The following ELMO1 variants were observed in gnomAD, a reference collection of about 807,000 sequenced individuals.
ELMO1 encodes the protein engulfment and cell motility protein 1.
Under a neutral mutation model 98.9 loss-of-function variants are expected in ELMO1, and 26 were observed. The observed-to-expected ratio is 0.26, with a 90% CI of 0.19 to 0.36. ELMO1 has a LOEUF of 0.36. Ranked by LOEUF, ELMO1 falls within the 10% of genes least tolerant of loss-of-function variation. The pLI, the probability that ELMO1 is intolerant of heterozygous loss-of-function variation, is 1.00. For missense variants in ELMO1, 627 were observed against 935.2 expected (o/e 0.67, Z 4.30); for synonymous variants, 346 against 346.0 (o/e 1.00, Z 0.00).
intron 1 of ELMO1, among the ~76,000 whole-genome samples, chr7:37,427,734 T>C (rs888506791): frequency 2.0e-5 from 3 of 152,200 alleles, no homozygotes; most frequent in Non-Finnish European, 4.4e-5. Flanking sequence ...TAGCAAATTA[T>C]AGTAAGAGGA....
intron 1 of ELMO1, among the ~76,000 whole-genome samples, chr7:37,358,457 A>G (rs1801575270): frequency 1.3e-5 from 2 of 152,188 alleles, no homozygotes; most frequent in Admixed American, 1.3e-4. Context: ...AAAATTAGAG[A>G]AGGCCATCTT....
Position 37,033,381 on chromosome 7 carries a change from C to T in ELMO1, c.1301-19946G>A, listed in dbSNP as rs185681903. The stretch of plus-strand genomic sequence containing the variant: ...ACACTGCAAGGCTGGATCGTGTTCA[C>T]GGCAGTGTGAATTTTTCAGGAGATA... On this transcript the variant is annotated intron_variant, in intron 15 of 21. Coordinates refer to ENST00000310758, the MANE Select transcript of ELMO1 (RefSeq NM_014800.11). 2.6e-4 allele frequency: 120 copies of T among 455,734 alleles called. 1 individual carries two copies. The East Asian group carries it at 5.6e-3, about 21-fold the overall frequency. The allele number at this position is 455,734 out of a possible 1,614,324, so 28.2% of individuals were successfully genotyped here.
intron 16 of ELMO1, among the ~76,000 whole-genome samples, chr7:36,994,792 C>T (rs1792093231): frequency 1.3e-5 from 2 of 152,246 alleles, no homozygotes; most frequent in African/African-American, 2.4e-5. Flanking sequence ...CTTAGAACTT[C>T]CTTCCAGTTA....
chr7:37,314,738 T>C (rs1799065551), intron 4 of ELMO1, 112 bp downstream of exon 4: 6 of 881,790 alleles, frequency 6.8e-6, no homozygotes, highest in South Asian at 1.7e-5. Context: ...TTTTCGTGGA[T>C]AGTAGAGACC....
At chr7:37,175,264 A>C (rs145664715) in intron 13 of ELMO1, among the ~76,000 whole-genome samples, 3 of 152,360 alleles carry the variant, frequency 2.0e-5, no homozygotes, top group Non-Finnish European at 2.9e-5. Flanking sequence ...TACGGGCTTC[A>C]TAGCAAGCTG....
chr7:36,923,260 A>G (rs17333672), intron 16 of ELMO1, among the ~76,000 whole-genome samples: 15,285 of 152,292 alleles, frequency 0.1, 1,059 homozygotes, highest in Middle Eastern at 0.17. Context: ...TTATAGAACT[A>G]ATGGGTTTGT....
At chr7:37,081,299 A>G (rs970228675) in intron 15 of ELMO1, among the ~76,000 whole-genome samples, 9 of 152,374 alleles carry the variant, frequency 5.9e-5, no homozygotes, top group African/African-American at 1.9e-4. Flanking sequence ...GCAATTATTA[A>G]AAGTTTGAAT....
chr7:37,380,921 C>CCACT (rs1802552990), intron 1 of ELMO1, among the ~76,000 whole-genome samples: 1 of 152,160 alleles, frequency 6.6e-6, no homozygotes, highest in Non-Finnish European at 1.5e-5. Context: ...CACGCCAGTA[C>CCACT]CACTCTTAGG....
chr7:37,414,774 C>T (rs936176713), intron 1 of ELMO1, among the ~76,000 whole-genome samples: 1 of 152,182 alleles, frequency 6.6e-6, no homozygotes, highest in Admixed American at 6.5e-5. Context: ...ATTCTACCTG[C>T]TGCATTGGAA....
At chr7:37,157,884 A>G (rs1271076796) in intron 13 of ELMO1, among the ~76,000 whole-genome samples, 2 of 152,192 alleles carry the variant, frequency 1.3e-5, no homozygotes, top group Admixed American at 1.3e-4. Flanking sequence ...TGGAGGCATC[A>G]CACTACCAGA....
rs184009465 is a variant in ELMO1 at position 37,428,451 on chromosome 7, C to T, written c.-74+20224G>A. On this transcript the variant is annotated intron_variant, in intron 1 of 21. Transcript: ENST00000310758. ...CCAGACAGGGATTGGGCAGAACCAG[C>T]TAACCAATGTGTATATGCCTGGAGC... 6.6e-5 allele frequency among the ~76,000 whole-genome samples: 10 copies of T among 152,302 alleles called. No individual in the cohort carries two copies. In the East Asian group the frequency reaches 1.9e-3, roughly 29 times the overall value.
At chr7:36,931,791 C>A (rs1200497160) in intron 16 of ELMO1, among the ~76,000 whole-genome samples, 1 of 152,180 alleles carries the variant, frequency 6.6e-6, no homozygotes, top group Non-Finnish European at 1.5e-5. Context: ...ACCTTGGGCA[C>A]ACGTGGAGGG....
Position 37,096,705 on chromosome 7 carries a change from C to A in ELMO1, c.1214G>T (p.Arg405Leu). The A allele has an allele frequency of 6.2e-7, 1 of 1,614,038 alleles. No individual in the cohort carries two copies. Among genetic ancestry groups the A allele is most frequent in the Non-Finnish European group, 8.5e-7 (1 of 1,179,988 alleles). The change falls in exon 15 of 22, where the codon CGA becomes CTA. Residue 405 changes from arginine to leucine, a missense_variant. Coordinates refer to ENST00000310758, the MANE Select transcript of ELMO1 (RefSeq NM_014800.11). ...YIRIVLENSS[R>L]EDKHECPFGR... Reference sequence around the variant, plus strand: ...AAAGGGACATTCATGCTTGTCTTCTCGACTACTGTTCTCAAGCACAATCTG... The same window carrying A: ...AAAGGGACATTCATGCTTGTCTTCTAGACTACTGTTCTCAAGCACAATCTG...
intron 1 of ELMO1, among the ~76,000 whole-genome samples, chr7:37,376,329 T>A (rs1320276981): frequency 6.6e-6 from 1 of 152,176 alleles, no homozygotes; most frequent in African/African-American, 2.4e-5. Context: ...AAGCTAACTA[T>A]GGGAGGGGCC....
chr7:36,899,538 AACAG>A (rs1806315887), intron 16 of ELMO1, among the ~76,000 whole-genome samples: 2 of 152,166 alleles, frequency 1.3e-5, no homozygotes, highest in Non-Finnish European at 2.9e-5. Context: ...GCTTTTGGCA[AACAG>A]ACAGGTACTA....
intron 13 of ELMO1, among the ~76,000 whole-genome samples, chr7:37,172,924 C>T (rs536823190): frequency 6.9e-4 from 105 of 152,312 alleles, no homozygotes; most frequent in Non-Finnish European, 1.2e-3. Flanking sequence ...TCTCAGCAAG[C>T]TCCTAGCAGA....
chr7:37,031,557 T>C (rs1044052473), intron 15 of ELMO1, among the ~76,000 whole-genome samples: 1 of 152,192 alleles, frequency 6.6e-6, no homozygotes, highest in African/African-American at 2.4e-5. Flanking sequence ...CAGGGGATTC[T>C]TTTACGCCCA....
intron 15 of ELMO1, among the ~76,000 whole-genome samples, chr7:37,075,806 C>T (rs1343571949): frequency 6.6e-6 from 1 of 152,128 alleles, no homozygotes; most frequent in Non-Finnish European, 1.5e-5. Context: ...TGATGATCAC[C>T]CTTCCTTGTA....
intron 16 of ELMO1, among the ~76,000 whole-genome samples, chr7:36,942,107 C>T (rs1676587178): frequency 6.6e-6 from 1 of 152,212 alleles, no homozygotes; most frequent in Admixed American, 6.5e-5. Context: ...ATACAATCAT[C>T]ATTTCACCAA....
Sources: gnomAD v4.1 joint callset for allele counts (sites outside exome capture counted in the v4.1 genomes callset) on GRCh38, gnomAD v4.1.1 for gene constraint, MANE v1.5 for transcripts, NCBI Gene and HGNC (gene_info 2026-07-23, HGNC 2026-07-21) for gene names.